IDI1: variants seen among roughly 807,000 people sequenced by gnomAD.
IDI1 encodes isopentenyl-diphosphate Delta-isomerase 1.
A neutral mutation model predicts 32.9 loss-of-function variants in IDI1; 23 were observed. The observed-to-expected ratio is 0.70, with a 90% CI of 0.50 to 0.99. The LOEUF (loss-of-function observed/expected upper bound fraction) is 0.99, where lower values mean the gene tolerates loss of function less well. Among genes scored for constraint, IDI1 ranks in the 50% least tolerant of loss-of-function variants. The pLI is 0.00. For missense variants in IDI1, 326 were observed against 351.9 expected, an observed-to-expected ratio of 0.93 and a Z score of 0.59; for synonymous variants, 133 against 128.2, an observed-to-expected ratio of 1.04 and a Z score of -0.25.
intron 4 of IDI1, 78 bp from the exon 5 acceptor site, chr10:1,041,582 T>C (rs1286315698): frequency 5.6e-6 from 4 of 717,240 alleles, no homozygotes; most frequent in African/African-American, 1.8e-5. Flanking sequence ...CTCACTGTAT[T>C]ACAGCGATAT....
intron 4 of IDI1, among the ~76,000 whole-genome samples, chr10:1,041,733 GAT>G: frequency 7.1e-6 from 1 of 140,510 alleles, no homozygotes; most frequent in Non-Finnish European, 1.6e-5. Context: ...TTCCCGATCA[GAT>G]AAGTTTTTTT....
upstream of IDI1, among the ~76,000 whole-genome samples, chr10:1,050,201 C>T (rs998719392): frequency 6.6e-6 from 1 of 152,174 alleles, no homozygotes; most frequent in African/African-American, 2.4e-5. Flanking sequence ...TTAAAATATT[C>T]ACTTAAAAAA....
At chr10:1,044,262 C>T in intron 1 of IDI1, 91 bp from the exon 2 acceptor site, 1 of 965,584 alleles carries the variant, frequency 1.0e-6, no homozygotes, top group South Asian at 1.6e-5. Context: ...GCTTCCCCAT[C>T]TGCAGTTGTA....
upstream of IDI1, among the ~76,000 whole-genome samples, chr10:1,050,225 C>A (rs1425587692): frequency 2.0e-5 from 3 of 152,188 alleles, no homozygotes; most frequent in Non-Finnish European, 4.4e-5. Flanking sequence ...ACGACACTAA[C>A]ATAAGTTATA....
chr10:1,056,054 G>C, the IDI1 span, among the ~76,000 whole-genome samples: 1 of 152,086 alleles, frequency 6.6e-6, no homozygotes, highest in Non-Finnish European at 1.5e-5. Context: ...TGATACGTCG[G>C]CCTCGGCCTC....
At chr10:1,049,255 G>A, upstream of IDI1, 1 of 564,470 alleles carries the variant, frequency 1.8e-6, no homozygotes. Context: ...CGATCCTGCC[G>A]TGCGAGCCCG....
intron 3 of IDI1, among the ~76,000 whole-genome samples, 177 bp from the exon 4 acceptor site, chr10:1,042,939 A>G (rs1832662000): frequency 6.6e-6 from 1 of 152,236 alleles, no homozygotes; most frequent in Non-Finnish European, 1.5e-5. Context: ...ATGGGCTATC[A>G]GTAATTATTT....
chr10:1,041,731 CAGATA>C (rs759608605), intron 4 of IDI1, among the ~76,000 whole-genome samples: 2 of 140,762 alleles, frequency 1.4e-5, no homozygotes, highest in Non-Finnish European at 3.2e-5. Flanking sequence ...TTTTCCCGAT[CAGATA>C]AGTTTTTTTT....
At position 1,048,891 on chromosome 10, in the gene IDI1, G is replaced by A. The variant is rs201789788; in HGVS notation, c.113C>T (p.Ala38Val). 59 of 1,606,706 alleles carry A rather than the reference G, an allele frequency of 3.7e-5. No individual in the cohort carries two copies. The African/African-American group carries it at 7.4e-4, about 20-fold the overall frequency. The change falls in exon 1 of 5, where the codon GCG becomes GTG. Residue 38 changes from alanine to valine, a missense_variant. Ala to Val is a moderately conservative substitution (Grantham distance 64, BLOSUM62 0). This residue lies in a region of IDI1 where 121 missense variants were observed against 78.4 expected (regional missense o/e 1.54). Coordinates refer to ENST00000381344, the MANE Select transcript of IDI1 (RefSeq NM_004508.4). Reference sequence around the variant, plus strand: ...GATCAGCCTCCGGCCACAGACAACCGCCGGTCCCGGATGGCGCCCGCTTTG... The same window carrying A: ...GATCAGCCTCCGGCCACAGACAACCACCGGTCCCGGATGGCGCCCGCTTTG... ...CAQSGRHPGP[A>V]VVCGRRLISV...
chr10:1,045,866 GGTGTGTGTGTGT>G (rs10598743), intron 1 of IDI1, among the ~76,000 whole-genome samples: 5 of 150,978 alleles, frequency 3.3e-5, no homozygotes, highest in South Asian at 2.1e-4. Flanking sequence ...ATAGGGTCTG[GGTGTGTGTGTGT>G]GTGTGTGTGT....
rs1268618745 is a variant in IDI1, at chr10:1,048,929, G to C, written c.75C>G (p.Ala25=). The part of the protein sequence containing the change: ...ARGRGQWAVR[A]ADCAQSGRHP... Reference sequence around the variant, plus strand: ...GGCGCCCGCTTTGAGCACAGTCTGCGGCGCGCACCGCCCACTGGCCCCGCC... The same window carrying C: ...GGCGCCCGCTTTGAGCACAGTCTGCCGCGCGCACCGCCCACTGGCCCCGCC... The change falls in exon 1 of 5, where the codon GCC becomes GCG. Residue 25 remains alanine, a synonymous_variant. Coordinates refer to ENST00000381344, the MANE Select transcript of IDI1 (RefSeq NM_004508.4). The C allele has an allele frequency of 6.3e-7, 1 of 1,594,364 alleles. No homozygotes were observed. Among genetic ancestry groups the C allele is most frequent in the East Asian group, 2.3e-5 (1 of 43,498 alleles).
chr10:1,043,150 G>A, intron 3 of IDI1, 151 bp downstream of exon 3: 1 of 605,654 alleles, frequency 1.7e-6, no homozygotes, highest in Non-Finnish European at 3.0e-6. Flanking sequence ...GTTGTATTAG[G>A]TTGCACTCAT....
At chr10:1,054,391 C>G in the IDI1 span, among the ~76,000 whole-genome samples, 3 of 152,186 alleles carry the variant, frequency 2.0e-5, no homozygotes, top group Admixed American at 2.0e-4. Flanking sequence ...GTGTTTGAGA[C>G]ACAGTTAAAA....
chr10:1,052,380 A>G (rs775289666), upstream of IDI1, among the ~76,000 whole-genome samples: 9 of 152,208 alleles, frequency 5.9e-5, no homozygotes, highest in Non-Finnish European at 1.2e-4. Flanking sequence ...TAGTGCAGTG[A>G]TTCAGTTACA....
At chr10:1,056,693 G>A in the IDI1 span, 410 of 152,448 alleles carry the variant, frequency 2.7e-3, no homozygotes, top group Non-Finnish European at 4.4e-3. Context: ...TCGGGGCTGC[G>A]GGGCGGAAGC....
chr10:1,042,536 G>C, intron 4 of IDI1, 96 bp downstream of exon 4: 7 of 1,191,772 alleles, frequency 5.9e-6, no homozygotes, highest in Non-Finnish European at 8.6e-6. Context: ...AGGTTACCAA[G>C]CAGAGAACTA....
the IDI1 span, among the ~76,000 whole-genome samples, chr10:1,055,354 T>A: frequency 1.2e-4 from 19 of 152,262 alleles, no homozygotes; most frequent in Non-Finnish European, 1.9e-4. Flanking sequence ...ATGCTCTCAG[T>A]TATTTTCAGT....
At chr10:1,050,664 C>A (rs1252377625), upstream of IDI1, among the ~76,000 whole-genome samples, 1 of 152,174 alleles carries the variant, frequency 6.6e-6, no homozygotes, top group Admixed American at 6.5e-5. Context: ...AAAGAGGGAA[C>A]CAGCCCTGGA....
At position 1,042,718 on chromosome 10, in the gene IDI1, C is replaced by A. The variant is rs766508803; in HGVS notation, c.451G>T (p.Ala151Ser). ...AGGGCGTCACTTTCCTCAAGCTCGG[C>A]TGGATTGCTTAATGGATGACTACAA... The part of the protein sequence containing the change: ...TCCSHPLSNP[A>S]ELEESDALGV... Residue 151 changes from alanine to serine, a missense_variant, in exon 4 of 5, where the codon GCC becomes TCC. Ala to Ser is a moderately conservative substitution (Grantham distance 99). Around this residue, in one of 2 missense-constraint regions of IDI1, gnomAD observed 205 missense variants for 273.5 expected, o/e 0.75. Transcript: ENST00000381344. 7 of 1,613,952 alleles carry A rather than the reference C, an allele frequency of 4.3e-6. No homozygotes were observed. In the Admixed American group the frequency reaches 1.2e-4, roughly 27 times the overall value.
Sources: allele counts gnomAD v4.1 joint callset (sites outside exome capture counted in the v4.1 genomes callset), GRCh38; gene constraint gnomAD v4.1.1; regional missense constraint gnomAD v4.1.1; transcripts MANE v1.5; gene names NCBI Gene and HGNC (gene_info 2026-07-23, HGNC 2026-07-21).